Variants in GALNT16 observed in about 807,000 individuals in gnomAD.
GALNT16 encodes the protein polypeptide N-acetylgalactosaminyltransferase 16.
A neutral mutation model predicts 76.1 loss-of-function variants in GALNT16; 40 were observed. The ratio of observed to expected loss-of-function variants is 0.53; its 90% CI spans 0.41 to 0.68. The LOEUF (loss-of-function observed/expected upper bound fraction) is 0.68, where lower values mean the gene tolerates loss of function less well. GALNT16 is among the 30% of genes least tolerant of loss of function. The pLI is 0.00. For missense variants in GALNT16, 621 were observed against 731.9 expected (o/e 0.85, Z 1.75); for synonymous variants, 276 against 285.2 (o/e 0.97, Z 0.32).
At chr14:69,342,502 GAGGGAGGA>G (rs2045503853) in intron 12 of GALNT16, among the ~76,000 whole-genome samples, 3 of 72,382 alleles carry the variant, frequency 4.1e-5, no homozygotes, top group African/African-American at 8.8e-5. Context: ...GGGAGGGAGG[GAGGGAGGA>G]AGGAAGGGGA....
intron 12 of GALNT16, among the ~76,000 whole-genome samples, chr14:69,342,530 GAA>G (rs2045507117): frequency 6.4e-5 from 4 of 62,492 alleles, no homozygotes; most frequent in Admixed American, 1.6e-4. Context: ...AGAGGGAGAG[GAA>G]AAGAAAAGAA....
At chr14:69,305,110 C>T (rs1300093623) in intron 1 of GALNT16, among the ~76,000 whole-genome samples, 2 of 150,802 alleles carry the variant, frequency 1.3e-5, no homozygotes, top group Non-Finnish European at 2.9e-5. Flanking sequence ...TCCAATTTCT[C>T]CACATCCTCA....
At chr14:69,331,700 G>A (rs778097275) in intron 7 of GALNT16, 149 bp downstream of exon 7, 12 of 649,034 alleles carry the variant, frequency 1.8e-5, no homozygotes, top group Non-Finnish European at 3.3e-5. Flanking sequence ...AAAATGAAGA[G>A]GGATTGGGTG....
intron 1 of GALNT16, among the ~76,000 whole-genome samples, chr14:69,311,929 G>T (rs188115714): frequency 0.016 from 2,432 of 152,020 alleles, 67 homozygotes; most frequent in African/African-American, 0.057. Context: ...TGGGGCAGGG[G>T]TGGTGGCTCA....
chr14:69,360,544 C>G (rs1328462281), downstream of GALNT16, among the ~76,000 whole-genome samples: 1 of 151,178 alleles, frequency 6.6e-6, no homozygotes, highest in African/African-American at 2.4e-5. Context: ...AGGAGAATCC[C>G]TTGAACCCAG....
intron 5 of GALNT16, 129 bp from the exon 6 acceptor site, chr14:69,328,321 T>G: frequency 1.0e-6 from 1 of 955,576 alleles, no homozygotes; most frequent in East Asian, 2.6e-5. Flanking sequence ...AAGTATAAAG[T>G]CAAATCTAAT....
chr14:69,281,522 G>A (rs2044541127), intron 1 of GALNT16, among the ~76,000 whole-genome samples: 1 of 152,176 alleles, frequency 6.6e-6, no homozygotes, highest in Non-Finnish European at 1.5e-5. Context: ...AAAGCTGGTG[G>A]ACCCAGTGCT....
At chr14:69,341,567 C>A in intron 11 of GALNT16, 114 bp from the exon 12 acceptor site, 1 of 699,256 alleles carries the variant, frequency 1.4e-6, no homozygotes, top group Non-Finnish European at 2.6e-6. Flanking sequence ...CTGGAAGTCT[C>A]CTGGTCCTTG....
At chr14:69,348,058 G>C (rs772494822) in intron 14 of GALNT16, 56 bp downstream of exon 14, 1 of 1,594,008 alleles carries the variant, frequency 6.3e-7, no homozygotes, top group Admixed American at 1.7e-5. Flanking sequence ...CCATGCCTCA[G>C]GGTGGCAGAC....
chr14:69,371,886 G>A, the GALNT16 span, among the ~76,000 whole-genome samples: 2 of 152,214 alleles, frequency 1.3e-5, no homozygotes, highest in Non-Finnish European at 2.9e-5. Context: ...GGAGGTTGCA[G>A]TGAGCCGAGA....
At chr14:69,268,046 T>C (rs1309102976) in intron 1 of GALNT16, among the ~76,000 whole-genome samples, 1 of 152,196 alleles carries the variant, frequency 6.6e-6, no homozygotes, top group Non-Finnish European at 1.5e-5. Context: ...ATCCTTCCCC[T>C]TTCTCTTCCC....
chr14:69,363,061 G>A, the GALNT16 span, among the ~76,000 whole-genome samples: 3 of 152,258 alleles, frequency 2.0e-5, no homozygotes, highest in African/African-American at 4.8e-5. Flanking sequence ...GGGAGGGAAG[G>A]TTATGAGGCA....
chr14:69,371,221 A>C, the GALNT16 span, among the ~76,000 whole-genome samples: 1 of 152,064 alleles, frequency 6.6e-6, no homozygotes, highest in Non-Finnish European at 1.5e-5. Context: ...GAATGTTTTT[A>C]GACTTCTTTC....
chr14:69,371,006 T>A, the GALNT16 span, among the ~76,000 whole-genome samples: 1 of 152,158 alleles, frequency 6.6e-6, no homozygotes, highest in Admixed American at 6.5e-5. Context: ...AAATAAACAG[T>A]CCTTATGTTT....
chr14:69,308,462 A>G (rs760013908), intron 1 of GALNT16, among the ~76,000 whole-genome samples: 6 of 152,192 alleles, frequency 3.9e-5, no homozygotes, highest in Non-Finnish European at 7.3e-5. Context: ...ATTTATATAA[A>G]ATGAATCACA....
chr14:69,346,093 T>C (rs1192293451), intron 12 of GALNT16, among the ~76,000 whole-genome samples: 3 of 151,908 alleles, frequency 2.0e-5, no homozygotes, highest in African/African-American at 4.8e-5. Flanking sequence ...GGGGTCTTTC[T>C]GTGTTGCCCA....
In GALNT16 at chr14:69,328,587, TG is replaced by T; in HGVS notation, c.690+20del. 1 of 1,608,332 alleles carries T rather than the reference TG, an allele frequency of 6.2e-7. No individual in the cohort carries two copies. On this transcript the variant is annotated intron_variant, in intron 6 of 14. Transcript: ENST00000448469. ...GGTGAAGGAGGTGAGCCACTGTCTC[TG>T]GGGAGCTGGGCGTCCTTGGGGACTC...
At chr14:69,347,780 CA>C in intron 13 of GALNT16, 96 bp from the exon 14 acceptor site, 1 of 1,316,080 alleles carries the variant, frequency 7.6e-7, no homozygotes, top group Non-Finnish European at 1.1e-6. Flanking sequence ...AGAAATCTTA[CA>C]AAAATATGCC....
chr14:69,370,353 T>A, the GALNT16 span, among the ~76,000 whole-genome samples: 1 of 152,144 alleles, frequency 6.6e-6, no homozygotes, highest in Non-Finnish European at 1.5e-5. Context: ...CCTCTTCTGC[T>A]CAGGCTGAGG....
Sources: allele counts gnomAD v4.1 joint callset (sites outside exome capture counted in the v4.1 genomes callset), GRCh38; gene constraint gnomAD v4.1.1; transcripts MANE v1.5; gene names NCBI Gene and HGNC (gene_info 2026-07-23, HGNC 2026-07-21).